CLSTN3: variants seen among roughly 807,000 people sequenced by gnomAD.
The protein encoded by CLSTN3 is calsyntenin-3.
CLSTN3 carries 36 observed loss-of-function variants against 95.9 expected under a neutral mutation model. That is an observed-to-expected ratio of 0.38 (90% CI 0.29 to 0.50). The LOEUF (loss-of-function observed/expected upper bound fraction) is 0.50. Ranked by LOEUF, CLSTN3 falls within the 20% of genes least tolerant of loss-of-function variation. The pLI is 0.95. For missense variants in CLSTN3, 1,084 were observed against 1,268.8 expected, an observed-to-expected ratio of 0.85 and a Z score of 2.21; for synonymous variants, 481 against 504.0, an observed-to-expected ratio of 0.95 and a Z score of 0.61.
rs1489623546 is a variant in CLSTN3, at chr12:7,151,070, A to T, written c.2527+7A>T. Reference sequence around the variant, plus strand: ...AGCTCCCACAGAAACTCCAGTACGTAAGCCTGGTGGGGCTGGGCAGGGAGG... The same window carrying T: ...AGCTCCCACAGAAACTCCAGTACGTTAGCCTGGTGGGGCTGGGCAGGGAGG... On this transcript the variant is annotated splice_region_variant and intron_variant, in intron 16 of 17. Coordinates refer to ENST00000266546, the MANE Select transcript of CLSTN3 (RefSeq NM_014718.4). 3 of 1,579,558 alleles carry T rather than the reference A, an allele frequency of 1.9e-6. No homozygotes were observed. Among genetic ancestry groups the T allele is most frequent in the Non-Finnish European group, 2.6e-6 (3 of 1,161,092 alleles).
chr12:7,150,371 G>A lies in CLSTN3; in HGVS notation c.2246-173G>A, dbSNP rs1296630958. Among the ~76,000 whole-genome samples, 3 of 152,178 alleles carry A rather than the reference G, an allele frequency of 2.0e-5. No individual in the cohort carries two copies. The highest frequency in any genetic ancestry group is 4.4e-5 in the Non-Finnish European group (3 of 68,034). Reference sequence around the variant, plus strand: ...TCTCCATCCTAGTTAGTCAGAGTGGGCAGGGATGGAGGGGAGCATCCCTCC... The same window carrying A: ...TCTCCATCCTAGTTAGTCAGAGTGGACAGGGATGGAGGGGAGCATCCCTCC... On this transcript the variant is annotated intron_variant, in intron 14 of 17. Transcript: ENST00000266546. This position sits in a 1 kb window ranked among gnomAD's most constrained non-coding sequence, Gnocchi z 4.0.
chr12:7,132,714 A>G (rs1162372753), intron 1 of CLSTN3: 2 of 585,806 alleles, frequency 3.4e-6, no homozygotes, highest in African/African-American at 3.7e-5. Flanking sequence ...ATCGCTAAAG[A>G]ACATTCTCCA....
chr12:7,155,027 G>A (rs901050275), intron 16 of CLSTN3, among the ~76,000 whole-genome samples: 1 of 151,822 alleles, frequency 6.6e-6, no homozygotes. Context: ...CCCTGGGAGT[G>A]CGGGGGGCAG....
Position 7,133,009 on chromosome 12 carries a change from C to G in CLSTN3, c.65-15C>G. 6.2e-7 allele frequency: 1 copy of G among 1,612,930 alleles called. No homozygotes were observed. The highest frequency in any genetic ancestry group is 8.5e-7 in the Non-Finnish European group (1 of 1,179,496). The stretch of plus-strand genomic sequence containing the variant: ...CTCACAGGTGCTTCCTCTCCTCTCC[C>G]TGGGGTGGGGCCAGCCAACAAGCAC... On this transcript the variant is annotated splice_polypyrimidine_tract_variant and intron_variant, in intron 1 of 17. Coordinates refer to ENST00000266546, the MANE Select transcript of CLSTN3 (RefSeq NM_014718.4). This position sits in a 1 kb window ranked among gnomAD's most constrained non-coding sequence, Gnocchi z 4.7.
chr12:7,143,362 C>T (rs1939567220), intron 12 of CLSTN3, 51 bp downstream of exon 12: 6 of 1,571,490 alleles, frequency 3.8e-6, no homozygotes, highest in Non-Finnish European at 4.3e-6. Flanking sequence ...CAGACAGTGT[C>T]ACAGCTCCTT....
In CLSTN3 at chr12:7,157,975, C is replaced by T; in HGVS notation, c.2765C>T (p.Ala922Val). 2 of 1,551,262 alleles carry T rather than the reference C, an allele frequency of 1.3e-6. No homozygotes were observed. Among genetic ancestry groups the T allele is most frequent in the Middle Eastern group, 1.7e-4 (1 of 5,988 alleles). The change falls in exon 18 of 18, where the codon GCT (alanine) becomes GTT (valine). Residue 922 changes from alanine (A) to valine (V), a missense_variant. Ala to Val is a moderately conservative substitution (Grantham distance 64, BLOSUM62 0). Coordinates refer to ENST00000266546, the MANE Select transcript of CLSTN3 (RefSeq NM_014718.4). This position sits in a 1 kb window ranked among gnomAD's most constrained non-coding sequence, Gnocchi z 5.9. Reference sequence around the variant, plus strand: ...AATCGGCAGTCCTGTGTGACGGGGGCTGTTGGGGGCCAGCAGGAGGATGAG... The same window carrying T: ...AATCGGCAGTCCTGTGTGACGGGGGTTGTTGGGGGCCAGCAGGAGGATGAG... ...YQNRQSCVTG[A>V]VGGQQEDEDS...
At chr12:7,130,344 C>A, upstream of CLSTN3, 2 of 1,254,992 alleles carry the variant, frequency 1.6e-6, no homozygotes, top group Non-Finnish European at 2.0e-6. Context: ...GCGGCCCCAT[C>A]AATCGTTGCC....
Position 7,157,934 on chromosome 12 carries a change from C to T in CLSTN3, c.2731-7C>T, listed in dbSNP as rs1271785553. 6 of 1,550,560 alleles carry T rather than the reference C, an allele frequency of 3.9e-6. No homozygotes were observed. The highest frequency in any genetic ancestry group is 8.7e-7 in the Non-Finnish European group (1 of 1,146,906). The stretch of plus-strand genomic sequence containing the variant: ...GATCCCTTCTCCTCTCTGTTCCTGC[C>T]CTCCAGTCCTACCAGAATCGGCAGT... On this transcript the variant is annotated splice_region_variant and splice_polypyrimidine_tract_variant and intron_variant, in intron 17 of 17. Transcript: ENST00000266546. The surrounding 1 kb of genome is among the most constrained non-coding windows in gnomAD (Gnocchi z 5.9).
chr12:7,137,997 G>A lies in CLSTN3; in HGVS notation c.1253G>A (p.Arg418Lys). ...TACTCGCTGACTGTCCACGGCTGTA[G>A]GATTGCCTTCCTCTACTGGCCCCTG... Reference protein sequence around the residue: ...SHYSLTVHGCRIAFLYWPLLE... With the variant: ...SHYSLTVHGCKIAFLYWPLLE... The change falls in exon 8 of 18, where the codon AGG becomes AAG. Residue 418 changes from arginine to lysine, a missense_variant. By Grantham distance (26) the Arg-to-Lys change is conservative (BLOSUM62 2). Coordinates refer to ENST00000266546, the MANE Select transcript of CLSTN3 (RefSeq NM_014718.4). The surrounding 1 kb of genome is among the most constrained non-coding windows in gnomAD (Gnocchi z 4.4). The A allele has an allele frequency of 6.2e-7, 1 of 1,613,952 alleles. No homozygotes were observed. The highest frequency in any genetic ancestry group is 8.5e-7 in the Non-Finnish European group (1 of 1,179,982).
chr12:7,138,943 C>T (rs1196259191), intron 8 of CLSTN3: 1 of 150,858 alleles, frequency 6.6e-6, no homozygotes, highest in East Asian at 2.0e-4. Flanking sequence ...GTCTGTGGCA[C>T]TCTTTTAAAG....
At position 7,133,522 on chromosome 12, in the gene CLSTN3, G is replaced by C. The variant is rs200598370; in HGVS notation, c.188-51G>C. ...TGGACCCCAGGTGGGGAGACTGAGG[G>C]TGGGGAAGGAGACACAGCAGCCTCA... is the stretch of plus-strand genomic sequence containing the variant. On this transcript the variant is annotated intron_variant, in intron 2 of 17. Transcript: ENST00000266546. The surrounding 1 kb of genome is among the most constrained non-coding windows in gnomAD (Gnocchi z 4.7). 1 of 1,582,078 alleles carries C rather than the reference G, an allele frequency of 6.3e-7. No homozygotes were observed. The highest frequency in any genetic ancestry group is 8.7e-7 in the Non-Finnish European group (1 of 1,153,416).
intron 6 of CLSTN3, 48 bp downstream of exon 6, chr12:7,136,439 C>A: frequency 2.0e-6 from 3 of 1,496,628 alleles, no homozygotes; most frequent in Non-Finnish European, 2.7e-6. Flanking sequence ...TCCCATCCAA[C>A]CTCTGTCCAA....
Position 7,150,709 on chromosome 12 carries a change from C to G in CLSTN3, c.2391+20C>G. On this transcript the variant is annotated intron_variant, in intron 15 of 17. Coordinates refer to ENST00000266546, the MANE Select transcript of CLSTN3 (RefSeq NM_014718.4). This position sits in a 1 kb window ranked among gnomAD's most constrained non-coding sequence, Gnocchi z 4.0. ...GTGGAGGTACCCAGAGAGTCTCCTT[C>G]CTTCCACAGTTACCCACCCCCAGAA... is the stretch of plus-strand genomic sequence containing the variant. 6.2e-7 allele frequency: 1 copy of G among 1,607,122 alleles called. No homozygotes were observed. The highest frequency in any genetic ancestry group is 8.5e-7 in the Non-Finnish European group (1 of 1,174,098).
rs1435503411 is a variant in CLSTN3, at chr12:7,136,332, A to G, written c.869A>G (p.His290Arg). The G allele has an allele frequency of 1.2e-6, 2 of 1,614,228 alleles. No homozygotes were observed. Among genetic ancestry groups the G allele is most frequent in the Admixed American group, 1.7e-5 (1 of 60,030 alleles). Reference protein sequence around the residue: ...IQATIELQTSHVAKGCDRDNY... With the variant: ...IQATIELQTSRVAKGCDRDNY... ...GCCACCATAGAGCTGCAGACCAGCC[A>G]TGTGGCCAAGGGCTGTGACCGTGAC... The change falls in exon 6 of 18, where the codon CAT (histidine) becomes CGT (arginine). Residue 290 changes from histidine (H) to arginine (R), a missense_variant. Transcript: ENST00000266546.
chr12:7,148,954 T>TCCTG lies in CLSTN3; in HGVS notation c.1848-16_1848-13dup. 1 of 1,608,958 alleles carries TCCTG rather than the reference T, an allele frequency of 6.2e-7. No individual in the cohort carries two copies. On this transcript the variant is annotated splice_polypyrimidine_tract_variant and intron_variant, in intron 12 of 17. Transcript: ENST00000266546. The stretch of plus-strand genomic sequence containing the variant: ...AAGTGTTGGGGTCACATGCTGCTTC[T>TCCTG]CCTGCTTTCTTACATAGGTGCTTCA...
rs768487238 is a variant in CLSTN3 at position 7,137,795 on chromosome 12, T to TGTGTGTGTGTGTGTGTGAGA, written c.1211-159_1211-158insTGTGTGTGTGTGTGTGAGAG. 2.3e-4 allele frequency among the ~76,000 whole-genome samples: 16 copies of TGTGTGTGTGTGTGTGTGAGA among 70,674 alleles called. No individual in the cohort carries two copies. The highest frequency in any genetic ancestry group is 1.2e-3 in the Admixed American group (6 of 5,116). 46.4% of individuals were successfully genotyped at this position (70,674 alleles called of 152,430 possible). On this transcript the variant is annotated intron_variant, in intron 7 of 17. Transcript: ENST00000266546. This position sits in a 1 kb window ranked among gnomAD's most constrained non-coding sequence, Gnocchi z 4.4. ...GTGTGTGTGTGTGTGTGTGTGTGTGTGAGAGAGAGAGAGAGAGAGAGAGAG... is the reference window on the plus strand; with the variant it reads ...GTGTGTGTGTGTGTGTGTGTGTGTGTGTGTGTGTGTGTGTGTGAGAGAGAGAGAGAGAGAGAGAGAGAGAG...
Position 7,137,122 on chromosome 12 carries a change from C to T in CLSTN3, c.1210+12C>T. 1.3e-6 allele frequency: 2 copies of T among 1,593,496 alleles called. No individual in the cohort carries two copies. Among genetic ancestry groups the T allele is most frequent in the Non-Finnish European group, 1.7e-6 (2 of 1,168,392 alleles). ...CACTGTCCAGAATGGTGAGCCTCCC[C>T]TCCAGGCACTAGCCAGAGGGGGAAA... is the stretch of plus-strand genomic sequence containing the variant. On this transcript the variant is annotated intron_variant, in intron 7 of 17. Coordinates refer to ENST00000266546, the MANE Select transcript of CLSTN3 (RefSeq NM_014718.4). The surrounding 1 kb of genome is among the most constrained non-coding windows in gnomAD (Gnocchi z 4.4).
At position 7,149,271 on chromosome 12, in the gene CLSTN3, C is replaced by G. The variant is rs917562175; in HGVS notation, c.2074+73C>G. 2 of 1,339,976 alleles carry G rather than the reference C, an allele frequency of 1.5e-6. No individual in the cohort carries two copies. Among genetic ancestry groups the G allele is most frequent in the Non-Finnish European group, 1.1e-6 (1 of 948,986 alleles). The allele number at this position is 1,339,976 out of a possible 1,614,324, so 83.0% of individuals were successfully genotyped here. On this transcript the variant is annotated intron_variant, in intron 13 of 17. Coordinates refer to ENST00000266546, the MANE Select transcript of CLSTN3 (RefSeq NM_014718.4). The surrounding 1 kb of genome is among the most constrained non-coding windows in gnomAD (Gnocchi z 4.5). The stretch of plus-strand genomic sequence containing the variant: ...TCTGGAGTCAGAGTGTGGGAGAACT[C>G]CTGGGGCTGGAAGCAGAAAGCGACT...
In CLSTN3 at chr12:7,136,893, A is replaced by C. The variant is rs764858222; in HGVS notation, c.993A>C (p.Gly331=). The change falls in exon 7 of 18, where the codon GGA becomes GGC. Residue 331 remains glycine (G), a synonymous_variant. Transcript: ENST00000266546. ...MPGPNANWTA[G]LSVHYSQDSS... The stretch of plus-strand genomic sequence containing the variant: ...GCCCCAATGCCAACTGGACAGCAGG[A>C]CTCTCGGTGCACTACAGCCAGGACA... 1.2e-6 allele frequency: 2 copies of C among 1,610,670 alleles called. No individual in the cohort carries two copies. The highest frequency in any genetic ancestry group is 2.2e-5 in the South Asian group (2 of 90,862).
Sources: gnomAD v4.1 joint callset for allele counts (sites outside exome capture counted in the v4.1 genomes callset) on GRCh38, gnomAD v4.1.1 for gene constraint, Gnocchi (gnomAD v3.1) non-coding constraint, MANE v1.5 for transcripts, NCBI Gene and HGNC (gene_info 2026-07-23, HGNC 2026-07-21) for gene names.